Variants in FAM3B observed in about 807,000 individuals in gnomAD.
FAM3B encodes FAM3 metabolism regulating signaling molecule B, also known as protein FAM3B.
A neutral mutation model predicts 28.4 loss-of-function variants in FAM3B; 29 were observed. That is an observed-to-expected ratio of 1.02 (90% CI 0.76 to 1.39). The LOEUF (loss-of-function observed/expected upper bound fraction) is 1.39, where lower values mean the gene tolerates loss of function less well. FAM3B is among the 40% of genes most tolerant of loss of function. FAM3B has a pLI of 0.00. For synonymous variants in FAM3B, 91 were observed against 103.0 expected (o/e 0.88, Z 0.71); for missense variants, 266 against 293.9 (o/e 0.91, Z 0.69).
intron 2 of FAM3B, among the ~76,000 whole-genome samples, chr21:41,332,570 T>C (rs1413933697): frequency 6.6e-6 from 1 of 152,202 alleles, no homozygotes; most frequent in East Asian, 1.9e-4. Flanking sequence ...TCCTCTTCAA[T>C]TTTTTGGAAG....
chr21:41,327,819 C>T (rs2088867426), intron 2 of FAM3B, among the ~76,000 whole-genome samples: 1 of 152,178 alleles, frequency 6.6e-6, no homozygotes, highest in Admixed American at 6.5e-5. Flanking sequence ...TCCTAATGAC[C>T]ACACCCTCCA....
At chr21:41,341,924 CT>C (rs1357323113) in intron 3 of FAM3B, among the ~76,000 whole-genome samples, 1 of 152,196 alleles carries the variant, frequency 6.6e-6, no homozygotes, top group African/African-American at 2.4e-5. Context: ...GGTAAGTTTT[CT>C]TACAGCAAAA....
intron 3 of FAM3B, among the ~76,000 whole-genome samples, chr21:41,343,460 C>T (rs886357851): frequency 6.6e-5 from 10 of 152,158 alleles, no homozygotes; most frequent in Admixed American, 6.5e-4. Flanking sequence ...TTTCTATTAT[C>T]AGAAATCTCT....
intron 2 of FAM3B, among the ~76,000 whole-genome samples, chr21:41,332,597 GTAT>G (rs1464282453): frequency 2.6e-5 from 4 of 152,102 alleles, no homozygotes; most frequent in Non-Finnish European, 5.9e-5. Flanking sequence ...AAATTGATTG[GTAT>G]TAGTTCTTTA....
In FAM3B at chr21:41,353,521, T is replaced by C. The variant is rs533574314; in HGVS notation, c.619-3587T>C. 2.6e-5 allele frequency among the ~76,000 whole-genome samples: 4 copies of C among 152,340 alleles called. No individual in the cohort carries two copies. In the South Asian group the frequency reaches 8.3e-4, roughly 32 times the overall value. On this transcript the variant is annotated intron_variant, in intron 7 of 7. Transcript: ENST00000357985. Reference sequence around the variant, plus strand: ...TGCATGTTCTCACATTTTTGATCAATTGACTTTAGGCAACAGTGCCAAGAT... The same window carrying C: ...TGCATGTTCTCACATTTTTGATCAACTGACTTTAGGCAACAGTGCCAAGAT...
intron 6 of FAM3B, among the ~76,000 whole-genome samples, chr21:41,347,529 C>A (rs199614193): frequency 6.6e-6 from 1 of 152,104 alleles, no homozygotes; most frequent in Non-Finnish European, 1.5e-5. Flanking sequence ...CCGAGGCAGG[C>A]GGATCACGAG....
chr21:41,341,396 A>G (rs1460903537), intron 3 of FAM3B, among the ~76,000 whole-genome samples: 1 of 152,220 alleles, frequency 6.6e-6, no homozygotes, highest in Non-Finnish European at 1.5e-5. Flanking sequence ...ATAGACTATC[A>G]CTAGCACCCC....
In FAM3B at chr21:41,338,601, A is replaced by G. The variant is rs1041949154; in HGVS notation, c.287+100A>G. 5.4e-6 allele frequency: 8 copies of G among 1,490,820 alleles called. No individual in the cohort carries two copies. In the East Asian group the frequency reaches 1.2e-4, roughly 22 times the overall value. The allele number at this position is 1,490,820 out of a possible 1,614,324, so 92.3% of individuals were successfully genotyped here. A position where few individuals can be genotyped will look rare whatever the true frequency, so the allele number is the denominator to read the frequency against. ...GCAGTTCTGCCCACAGGAGAGAACCATATGTCGTTGGTCTCAGGCAAAAGG... is the reference window on the plus strand; with the variant it reads ...GCAGTTCTGCCCACAGGAGAGAACCGTATGTCGTTGGTCTCAGGCAAAAGG... On this transcript the variant is annotated intron_variant, in intron 3 of 7. Transcript: ENST00000357985.
chr21:41,322,833 G>A, intron 1 of FAM3B, 90 bp from the exon 2 acceptor site: 2 of 1,604,772 alleles, frequency 1.2e-6, no homozygotes, highest in South Asian at 1.1e-5. Context: ...CACTGGGCCG[G>A]GATGAAAAGC....
intron 1 of FAM3B, among the ~76,000 whole-genome samples, chr21:41,321,527 T>C (rs2088805853): frequency 6.6e-6 from 1 of 152,228 alleles, no homozygotes; most frequent in African/African-American, 2.4e-5. Flanking sequence ...ACTGCACTGA[T>C]CACACTGCCT....
intron 2 of FAM3B, among the ~76,000 whole-genome samples, chr21:41,325,886 A>G (rs1568914346): frequency 6.6e-6 from 1 of 152,172 alleles, no homozygotes; most frequent in South Asian, 2.1e-4. Flanking sequence ...TGAAGCAGCT[A>G]TTGTATTATA....
At chr21:41,322,614 A>G (rs534692863) in intron 1 of FAM3B, 1 of 717,564 alleles carries the variant, frequency 1.4e-6, no homozygotes, top group African/African-American at 1.7e-5. Context: ...CTGGCTCACA[A>G]GGTGCTTGAT....
chr21:41,332,653 AT>A (rs932931099), intron 2 of FAM3B, among the ~76,000 whole-genome samples: 9 of 151,982 alleles, frequency 5.9e-5, no homozygotes, highest in Admixed American at 3.3e-4. Flanking sequence ...TGGTCCTGGG[AT>A]TTTTTTTGAT....
intron 1 of FAM3B, among the ~76,000 whole-genome samples, chr21:41,308,994 G>A (rs1568907825): frequency 6.6e-6 from 1 of 152,136 alleles, no homozygotes; most frequent in Non-Finnish European, 1.5e-5. Flanking sequence ...ACAAAAGGAG[G>A]TATGGGATGT....
At chr21:41,354,978 A>G (rs1241072984) in intron 7 of FAM3B, among the ~76,000 whole-genome samples, 3 of 152,348 alleles carry the variant, frequency 2.0e-5, no homozygotes, top group East Asian at 3.9e-4. Context: ...CAATAATAAA[A>G]AGACAAATAA....
intron 5 of FAM3B, 95 bp from the exon 6 acceptor site, chr21:41,346,918 G>A: frequency 4.6e-6 from 5 of 1,075,528 alleles, no homozygotes; most frequent in Non-Finnish European, 7.2e-6. Context: ...GATTCAGAAT[G>A]GACACAGAAT....
intron 1 of FAM3B, among the ~76,000 whole-genome samples, chr21:41,317,492 G>A (rs1258222008): frequency 1.3e-5 from 2 of 152,148 alleles, no homozygotes; most frequent in African/African-American, 4.8e-5. Context: ...TCTTAGCTGC[G>A]CCTCTGTCCT....
At chr21:41,327,099 T>A (rs1159639582) in intron 2 of FAM3B, among the ~76,000 whole-genome samples, 2 of 152,210 alleles carry the variant, frequency 1.3e-5, no homozygotes, top group Non-Finnish European at 2.9e-5. Context: ...AGGGTGCTCT[T>A]AAAAGAAATA....
At chr21:41,318,624 C>A (rs1011278920) in intron 1 of FAM3B, among the ~76,000 whole-genome samples, 1 of 152,204 alleles carries the variant, frequency 6.6e-6, no homozygotes, top group Admixed American at 6.6e-5. Flanking sequence ...ACCCTCATCT[C>A]TCCTGGCCTC....
Sources: allele counts gnomAD v4.1 joint callset (sites outside exome capture counted in the v4.1 genomes callset), GRCh38; gene constraint gnomAD v4.1.1; transcripts MANE v1.5; gene names NCBI Gene and HGNC (gene_info 2026-07-23, HGNC 2026-07-21).